The following BRWD1 variants were observed in gnomAD, a reference collection of about 807,000 sequenced individuals.
BRWD1 encodes bromodomain and WD repeat domain containing 1.
BRWD1 carries 82 observed loss-of-function variants against 251.2 expected under a neutral mutation model. The ratio of observed to expected loss-of-function variants is 0.33; its 90% CI spans 0.27 to 0.39. The LOEUF (loss-of-function observed/expected upper bound fraction) is 0.39, where lower values mean the gene tolerates loss of function less well. Ranked by LOEUF, BRWD1 falls within the 10% of genes least tolerant of loss-of-function variation. The pLI is 1.00. For missense variants in BRWD1, 2,233 were observed against 2,711.6 expected, an observed-to-expected ratio of 0.82 and a Z score of 3.92; for synonymous variants, 918 against 902.8, an observed-to-expected ratio of 1.02 and a Z score of -0.30.
chr21:39,314,030 C>A (rs1205847394), upstream of BRWD1: 1 of 455,328 alleles, frequency 2.2e-6, no homozygotes, highest in Non-Finnish European at 4.4e-6. Context: ...ACCGCAGGGG[C>A]CCCGAGTCGC....
At position 39,188,756 on chromosome 21, in the gene BRWD1, A is replaced by G. The variant is rs1234834073; in HGVS notation, c.*7503T>C. On this transcript the variant is annotated 3_prime_UTR_variant, in exon 41 of 41. Transcript: ENST00000342449. The stretch of plus-strand genomic sequence containing the variant: ...AGCGTTCTCCCCAGAATAGGTTAGG[A>G]AATACTTTATTCAAAGCAACCCCAC... 2.0e-6 allele frequency: 2 copies of G among 985,298 alleles called. No individual in the cohort carries two copies. Among genetic ancestry groups the G allele is most frequent in the Admixed American group, 1.2e-4 (2 of 16,268 alleles). The allele number at this position is 985,298 out of a possible 1,614,324, so 61.0% of individuals were successfully genotyped here. A position where few individuals can be genotyped will look rare whatever the true frequency, so the allele number is the denominator to read the frequency against.
rs1274853120 is a variant in BRWD1, at chr21:39,243,889, TA to T, written c.2481+3811del. ...AGGAGAGTGATAACAGTCAGGGTGG[TA>T]AACACAAAGGAATTTTTATTATTCT... On this transcript the variant is annotated intron_variant, in intron 21 of 40. Transcript: ENST00000342449. Among the ~76,000 whole-genome samples, 12 of 152,180 alleles carry T rather than the reference TA, an allele frequency of 7.9e-5. No individual in the cohort carries two copies. In the East Asian group the frequency reaches 2.3e-3, roughly 29 times the overall value.
At chr21:39,201,595 T>C (rs966762993) in intron 38 of BRWD1, among the ~76,000 whole-genome samples, 1 of 152,208 alleles carries the variant, frequency 6.6e-6, no homozygotes, top group East Asian at 1.9e-4. Flanking sequence ...TGTGTCCACT[T>C]ATCACTAGTG....
Position 39,295,751 on chromosome 21 carries a change from T to C in BRWD1, c.601A>G (p.Ile201Val), listed in dbSNP as rs2035945981. The change falls in exon 7 of 41, where the codon ATC becomes GTC. Residue 201 changes from isoleucine (I) to valine (V), a missense_variant. Transcript: ENST00000342449. ...CVAFDRTGHRIFTGSDDCLVK... is the reference protein window; with the variant it reads ...CVAFDRTGHRVFTGSDDCLVK... ...TTAAAATTTTTACTCACTGTAAAGA[T>C]TCTATGTCCTGTCCTATCAAATGCT... The C allele has an allele frequency of 1.3e-6, 2 of 1,584,984 alleles. No homozygotes were observed. The highest frequency in any genetic ancestry group is 1.7e-6 in the Non-Finnish European group (2 of 1,164,690).
Position 39,188,256 on chromosome 21 carries a change from C to G in BRWD1, c.*8003G>C. The G allele has an allele frequency of 1.0e-6, 1 of 985,356 alleles. No homozygotes were observed. Among genetic ancestry groups the G allele is most frequent in the Non-Finnish European group, 1.2e-6 (1 of 829,902 alleles). 61.0% of individuals were successfully genotyped at this position (985,356 alleles called of 1,614,324 possible). On this transcript the variant is annotated 3_prime_UTR_variant, in exon 41 of 41. Coordinates refer to ENST00000342449, the MANE Select transcript of BRWD1 (RefSeq NM_033656.4). ...TTTCTTGCAGCCATGAACAGTCAAA[C>G]TATCTAAAACTGCCTTCATGGTACA... is the stretch of plus-strand genomic sequence containing the variant.
intron 4 of BRWD1, among the ~76,000 whole-genome samples, chr21:39,305,076 C>G (rs1406391756): frequency 6.6e-6 from 1 of 151,400 alleles, no homozygotes; most frequent in Non-Finnish European, 1.5e-5. Flanking sequence ...TCTCCTGCCT[C>G]AACCTCCCAA....
At chr21:39,214,162 C>G (rs1415080341) in intron 32 of BRWD1, among the ~76,000 whole-genome samples, 1 of 152,036 alleles carries the variant, frequency 6.6e-6, no homozygotes, top group Non-Finnish European at 1.5e-5. Flanking sequence ...GAATCAGTTA[C>G]TCCCCAGTTT....
chr21:39,318,266 C>A (rs2036717888), upstream of BRWD1, among the ~76,000 whole-genome samples: 1 of 151,776 alleles, frequency 6.6e-6, no homozygotes, highest in South Asian at 2.1e-4. Flanking sequence ...AGAGAGTGGT[C>A]AAAATGGAAT....
chr21:39,191,391 G>C lies in BRWD1; in HGVS notation c.*4868C>G, dbSNP rs149339684. 2.0e-6 allele frequency: 2 copies of C among 985,212 alleles called. No individual in the cohort carries two copies. The highest frequency in any genetic ancestry group is 2.4e-6 in the Non-Finnish European group (2 of 829,904). 61.0% of individuals were successfully genotyped at this position (985,212 alleles called of 1,614,324 possible). A position where few individuals can be genotyped will look rare whatever the true frequency, so the allele number is the denominator to read the frequency against. ...AACCAGCTAGAATGTATTTGGCTTG[G>C]AGTAGTGTTTTGTTTTGTTTTTTAA... On this transcript the variant is annotated 3_prime_UTR_variant, in exon 41 of 41. Coordinates refer to ENST00000342449, the MANE Select transcript of BRWD1 (RefSeq NM_033656.4).
At chr21:39,297,460 C>T in intron 5 of BRWD1, 1 of 949,182 alleles carries the variant, frequency 1.1e-6, no homozygotes, top group Non-Finnish European at 1.3e-6. Context: ...AAAACAACGA[C>T]ATGGAGCTTG....
Position 39,313,273 on chromosome 21 carries a change from G to T in BRWD1, c.76C>A (p.Leu26Ile), listed in dbSNP as rs1394683495. 7 of 1,562,288 alleles carry T rather than the reference G, an allele frequency of 4.5e-6. No individual in the cohort carries two copies. The highest frequency in any genetic ancestry group is 6.1e-6 in the Non-Finnish European group (7 of 1,149,400). Residue 26 changes from leucine (L) to isoleucine (I), a missense_variant, in exon 2 of 41, where the codon CTA (leucine) becomes ATA (isoleucine). Leu to Ile is a conservative substitution (Grantham distance 5, BLOSUM62 2). Coordinates refer to ENST00000342449, the MANE Select transcript of BRWD1 (RefSeq NM_033656.4). ...SELYFLIARYLSAGPCRRAAQ... is the reference protein window; with the variant it reads ...SELYFLIARYISAGPCRRAAQ... ...GCTCTCCGACACGGGCCCGCCGATA[G>T]GTACCGGGCGATAAGGAAGTACAGC...
In BRWD1 at chr21:39,228,493, G is replaced by C. The variant is rs750630898; in HGVS notation, c.3208+7C>G. On this transcript the variant is annotated splice_region_variant and intron_variant, in intron 27 of 40. Transcript: ENST00000342449. ...GGGTATATAAAACTTAGTAAGGATA[G>C]ACTTACAAGACTGCCAATTCCTCTG... 1.3e-5 allele frequency: 21 copies of C among 1,600,820 alleles called. No homozygotes were observed. Among genetic ancestry groups the C allele is most frequent in the Non-Finnish European group, 1.7e-5 (20 of 1,168,484 alleles).
chr21:39,188,273 C>A lies in BRWD1; in HGVS notation c.*7986G>T. The A allele has an allele frequency of 1.0e-6, 1 of 985,416 alleles. No individual in the cohort carries two copies. The highest frequency in any genetic ancestry group is 1.2e-6 in the Non-Finnish European group (1 of 829,922). 61.0% of individuals were successfully genotyped at this position (985,416 alleles called of 1,614,324 possible). A position where few individuals can be genotyped will look rare whatever the true frequency, so the allele number is the denominator to read the frequency against. On this transcript the variant is annotated 3_prime_UTR_variant, in exon 41 of 41. Coordinates refer to ENST00000342449, the MANE Select transcript of BRWD1 (RefSeq NM_033656.4). ...CAGTCAAACTATCTAAAACTGCCTT[C>A]ATGGTACACACCAATCTTGATGGCA...
Position 39,191,652 on chromosome 21 carries a change from A to G in BRWD1, c.*4607T>C, listed in dbSNP as rs1308476441. 9 of 983,510 alleles carry G rather than the reference A, an allele frequency of 9.2e-6. No individual in the cohort carries two copies. Among genetic ancestry groups the G allele is most frequent in the Non-Finnish European group, 1.1e-5 (9 of 828,364 alleles). The allele number at this position is 983,510 out of a possible 1,614,324, so 60.9% of individuals were successfully genotyped here. On this transcript the variant is annotated 3_prime_UTR_variant, in exon 41 of 41. Transcript: ENST00000342449. ...GAAAATTAACTTGAATATATCAAAA[A>G]TTAAAGATCCCTTTAACTTTTACCC...
At chr21:39,309,779 C>A (rs1365954385) in intron 4 of BRWD1, among the ~76,000 whole-genome samples, 2 of 144,842 alleles carry the variant, frequency 1.4e-5, no homozygotes, top group African/African-American at 2.6e-5. Flanking sequence ...GAGCCGAGAT[C>A]GCACCGCTGC....
rs1373386879 is a variant in BRWD1 at position 39,191,604 on chromosome 21, G to T, written c.*4655C>A. 4 of 984,758 alleles carry T rather than the reference G, an allele frequency of 4.1e-6. No homozygotes were observed. Among genetic ancestry groups the T allele is most frequent in the Non-Finnish European group, 4.8e-6 (4 of 829,554 alleles). The allele number at this position is 984,758 out of a possible 1,614,324, so 61.0% of individuals were successfully genotyped here. ...TTTTGTAGGTGAATATATAGTTGCAGTCCAAGGACTGATTCACATTTAGAA... is the reference window on the plus strand; with the variant it reads ...TTTTGTAGGTGAATATATAGTTGCATTCCAAGGACTGATTCACATTTAGAA... On this transcript the variant is annotated 3_prime_UTR_variant, in exon 41 of 41. Transcript: ENST00000342449.
rs2031680530 is a variant in BRWD1 at position 39,193,895 on chromosome 21, C to G, written c.*2364G>C. On this transcript the variant is annotated 3_prime_UTR_variant, in exon 41 of 41. Coordinates refer to ENST00000342449, the MANE Select transcript of BRWD1 (RefSeq NM_033656.4). The stretch of plus-strand genomic sequence containing the variant: ...CTTAGGAGTGTGTGTGTCACATATT[C>G]AAAGTTAACCTTAGGAATAGCACCA... The G allele has an allele frequency of 1.0e-6, 1 of 985,260 alleles. No homozygotes were observed. Among genetic ancestry groups the G allele is most frequent in the Admixed American group, 6.2e-5 (1 of 16,212 alleles). The allele number at this position is 985,260 out of a possible 1,614,324, so 61.0% of individuals were successfully genotyped here. A position where few individuals can be genotyped will look rare whatever the true frequency, so the allele number is the denominator to read the frequency against.
intron 23 of BRWD1, among the ~76,000 whole-genome samples, chr21:39,236,240 C>G (rs180788077): frequency 6.6e-6 from 1 of 152,184 alleles, no homozygotes; most frequent in Non-Finnish European, 1.5e-5. Context: ...AGGCCTCCCC[C>G]ATAAGTCCCA....
At chr21:39,261,116 G>A (rs146053341) in intron 17 of BRWD1, among the ~76,000 whole-genome samples, 437 of 152,138 alleles carry the variant, frequency 2.9e-3, no homozygotes, top group African/African-American at 0.01. Flanking sequence ...TCCCAGCTAC[G>A]TGGGAAGCTG....
Sources: allele counts gnomAD v4.1 joint callset (sites outside exome capture counted in the v4.1 genomes callset), GRCh38; gene constraint gnomAD v4.1.1; transcripts MANE v1.5; gene names NCBI Gene and HGNC (gene_info 2026-07-23, HGNC 2026-07-21).